PTPRA: variants seen among roughly 807,000 people sequenced by gnomAD.
The protein encoded by PTPRA is protein tyrosine phosphatase receptor type A, also known as receptor-type tyrosine-protein phosphatase alpha.
A neutral mutation model predicts 104.8 loss-of-function variants in PTPRA; 25 were observed. That is an observed-to-expected ratio of 0.24 (90% CI 0.17 to 0.33). The LOEUF (loss-of-function observed/expected upper bound fraction) is 0.33. Ranked by LOEUF, PTPRA falls within the 10% of genes least tolerant of loss-of-function variation. The pLI, the probability that PTPRA is intolerant of heterozygous loss-of-function variation, is 1.00. For synonymous variants in PTPRA, 323 were observed against 368.9 expected (o/e 0.88, Z 1.43); for missense variants, 765 against 1,015.3 (o/e 0.75, Z 3.35).
At chr20:2,994,584 A>G (rs1021602060) in intron 9 of PTPRA, among the ~76,000 whole-genome samples, 4 of 152,194 alleles carry the variant, frequency 2.6e-5, no homozygotes, top group African/African-American at 9.6e-5. Flanking sequence ...TCAGCAAGGC[A>G]TGTGATGTGG....
chr20:2,948,521 C>G (rs2061224394), intron 3 of PTPRA, among the ~76,000 whole-genome samples: 1 of 152,120 alleles, frequency 6.6e-6, no homozygotes, highest in African/African-American at 2.4e-5. Context: ...GTTTGCCATA[C>G]CATTAGTGCT....
chr20:3,031,837 CATT>C (rs2065470708), intron 20 of PTPRA, among the ~76,000 whole-genome samples: 1 of 152,046 alleles, frequency 6.6e-6, no homozygotes, highest in Admixed American at 6.6e-5. Flanking sequence ...TGTGGTATGT[CATT>C]ATTACCTTTC....
intron 1 of PTPRA, among the ~76,000 whole-genome samples, chr20:2,886,973 A>C (rs564693203): frequency 1.3e-5 from 2 of 152,206 alleles, no homozygotes; most frequent in African/African-American, 4.8e-5. Context: ...TTTAAAAGGA[A>C]ATATTTGTAT....
chr20:2,907,861 T>C (rs2059484003), intron 1 of PTPRA, among the ~76,000 whole-genome samples: 1 of 152,114 alleles, frequency 6.6e-6, no homozygotes, highest in Non-Finnish European at 1.5e-5. Flanking sequence ...TTTTCGACTT[T>C]TAGAGCAAAT....
chr20:2,890,630 G>T (rs1184899283), intron 1 of PTPRA, among the ~76,000 whole-genome samples: 2 of 152,130 alleles, frequency 1.3e-5, no homozygotes, highest in African/African-American at 4.8e-5. Context: ...TTTTAACAGG[G>T]GAGAGTGTGT....
chr20:2,973,222 G>C (rs1467989871), intron 5 of PTPRA, among the ~76,000 whole-genome samples: 2 of 150,942 alleles, frequency 1.3e-5, no homozygotes, highest in African/African-American at 4.9e-5. Context: ...TGCATTTATA[G>C]TCCTTTTATG....
At chr20:2,906,608 C>T (rs537384292) in intron 1 of PTPRA, among the ~76,000 whole-genome samples, 3 of 152,200 alleles carry the variant, frequency 2.0e-5, no homozygotes, top group East Asian at 3.9e-4. Context: ...GAGTTCTTTT[C>T]GGAGTGATAA....
chr20:2,954,416 T>C (rs1479876960), intron 3 of PTPRA, among the ~76,000 whole-genome samples: 2 of 151,936 alleles, frequency 1.3e-5, no homozygotes, highest in Admixed American at 6.6e-5. Flanking sequence ...AGAGATGAGG[T>C]CTCACTGTGT....
In PTPRA at chr20:2,895,783, C is replaced by T. The variant is rs192788826; in HGVS notation, c.-129+22023C>T. ...GCCTCAAGTGATCCACCTGCCTTGG[C>T]CTTCCAAAGTGCTGGGATTACAGGT... On this transcript the variant is annotated intron_variant, in intron 1 of 23. Transcript: ENST00000399903. 6.6e-5 allele frequency among the ~76,000 whole-genome samples: 10 copies of T among 151,996 alleles called. No homozygotes were observed. In the East Asian group the frequency reaches 2.0e-3, roughly 30 times the overall value.
chr20:2,925,387 A>G (rs1221282116), intron 2 of PTPRA, among the ~76,000 whole-genome samples: 1 of 152,224 alleles, frequency 6.6e-6, no homozygotes, highest in Non-Finnish European at 1.5e-5. Context: ...GTTGTAGCAT[A>G]TATCAGAATT....
At chr20:2,869,578 C>T (rs181059845), upstream of PTPRA, among the ~76,000 whole-genome samples, 30 of 152,284 alleles carry the variant, frequency 2.0e-4, no homozygotes, top group East Asian at 2.9e-3. Context: ...CAATGTATGA[C>T]GCTAGGATTG....
At chr20:2,948,978 A>G (rs1286148359) in intron 3 of PTPRA, among the ~76,000 whole-genome samples, 1 of 152,058 alleles carries the variant, frequency 6.6e-6, no homozygotes, top group Non-Finnish European at 1.5e-5. Context: ...TAAAAATAAA[A>G]AACCATATCC....
chr20:3,029,558 T>TTTTTTTTTTTTTTTTA (rs2065328932), intron 20 of PTPRA, among the ~76,000 whole-genome samples: 1 of 116,702 alleles, frequency 8.6e-6, no homozygotes. Context: ...TTTTTTTTTT[T>TTTTTTTTTTTTTTTTA]GAGACGGAGT....
intron 6 of PTPRA, among the ~76,000 whole-genome samples, chr20:2,980,846 G>A (rs935749386): frequency 1.3e-5 from 2 of 152,206 alleles, no homozygotes; most frequent in Non-Finnish European, 2.9e-5. Flanking sequence ...ACCATTGAGT[G>A]GCTTAGACTG....
chr20:2,865,101 C>T, the PTPRA span: 1 of 1,614,160 alleles, frequency 6.2e-7, no homozygotes, highest in Non-Finnish European at 8.5e-7. This position sits in a 1 kb window ranked among gnomAD's most constrained non-coding sequence, Gnocchi z 5.2. Context: ...CCTGGTCTTC[C>T]CTCCTGGTCC....
intron 7 of PTPRA, 61 bp from the exon 8 acceptor site, chr20:2,987,971 G>T (rs757478227): frequency 7.3e-7 from 1 of 1,371,118 alleles, no homozygotes; most frequent in Non-Finnish European, 1.0e-6. Flanking sequence ...GGAATACAGA[G>T]GTGTGATTTG....
intron 2 of PTPRA, among the ~76,000 whole-genome samples, chr20:2,930,053 A>G (rs1326640558): frequency 6.6e-6 from 1 of 152,180 alleles, no homozygotes; most frequent in Non-Finnish European, 1.5e-5. Flanking sequence ...TTCATCTTGG[A>G]CTTCTAGCCT....
chr20:2,950,992 G>T lies in PTPRA; in HGVS notation c.-7+2968G>T, dbSNP rs2061334639. 6.6e-6 allele frequency among the ~76,000 whole-genome samples: 1 copy of T among 151,924 alleles called. No individual in the cohort carries two copies. Among genetic ancestry groups the T allele is most frequent in the Admixed American group, 6.6e-5 (1 of 15,246 alleles). On this transcript the variant is annotated intron_variant, in intron 3 of 23. Coordinates refer to ENST00000399903, the MANE Select transcript of PTPRA (RefSeq NM_001385305.1). This position sits in a 1 kb window ranked among gnomAD's most constrained non-coding sequence, Gnocchi z 4.0. ...ACTCCCTCATCCTTAAGCAACCATT[G>T]GTCTGTTTTCTGCCACTATAGATTA... is the stretch of plus-strand genomic sequence containing the variant.
chr20:2,903,493 C>T (rs2059308897), intron 1 of PTPRA, among the ~76,000 whole-genome samples: 2 of 152,198 alleles, frequency 1.3e-5, no homozygotes, highest in East Asian at 1.9e-4. Flanking sequence ...CAAGACCAGC[C>T]TGGGCAACAT....
Sources: allele counts gnomAD v4.1 joint callset (sites outside exome capture counted in the v4.1 genomes callset), GRCh38; gene constraint gnomAD v4.1.1; non-coding constraint Gnocchi (gnomAD v3.1); transcripts MANE v1.5; gene names NCBI Gene and HGNC (gene_info 2026-07-23, HGNC 2026-07-21).